Variants in SCAND3 observed in about 807,000 individuals in gnomAD.
SCAND3 encodes the protein SCAN domain-containing protein 3.
the SCAND3 span, chr6:28,586,775 T>A: frequency 6.9e-7 from 1 of 1,442,988 alleles, no homozygotes; most frequent in Non-Finnish European, 9.4e-7. The surrounding 1 kb of genome is among the most constrained non-coding windows in gnomAD (Gnocchi z 4.4). Context: ...GGCAAATGGG[T>A]GATTTTACTT....
the SCAND3 span, chr6:28,587,504 G>C: frequency 1.3e-4 from 20 of 152,236 alleles, no homozygotes; most frequent in African/African-American, 4.8e-4. Context: ...CACAGTGTGA[G>C]TAGTGCTGGA....
At chr6:28,572,519 C>T in the SCAND3 span, 6 of 1,613,598 alleles carry the variant, frequency 3.7e-6, no homozygotes, top group African/African-American at 2.7e-5. The surrounding 1 kb of genome is among the most constrained non-coding windows in gnomAD (Gnocchi z 4.1). Context: ...AAATAAGTTG[C>T]ATTCTTCCCT....
chr6:28,612,433 C>A, the SCAND3 span, among the ~76,000 whole-genome samples: 1 of 152,144 alleles, frequency 6.6e-6, no homozygotes, highest in Admixed American at 6.5e-5. Flanking sequence ...CACTAGCAAC[C>A]TCCTTAACAT....
the SCAND3 span, among the ~76,000 whole-genome samples, chr6:28,578,014 A>C: frequency 6.6e-6 from 1 of 152,134 alleles, no homozygotes; most frequent in African/African-American, 2.4e-5. Context: ...CTGGGTCTTA[A>C]TTTTGAGGGG....
At chr6:28,577,886 C>T in the SCAND3 span, among the ~76,000 whole-genome samples, 1 of 152,170 alleles carries the variant, frequency 6.6e-6, no homozygotes, top group Admixed American at 6.5e-5. Flanking sequence ...TCTGAGATGT[C>T]CATCCTACCT....
the SCAND3 span, among the ~76,000 whole-genome samples, chr6:28,578,962 A>T: frequency 6.6e-6 from 1 of 152,202 alleles, no homozygotes; most frequent in Non-Finnish European, 1.5e-5. Flanking sequence ...AGGCTACAGC[A>T]ATGGGACCCA....
chr6:28,604,325 AT>A, the SCAND3 span, among the ~76,000 whole-genome samples: 5 of 151,778 alleles, frequency 3.3e-5, no homozygotes, highest in Admixed American at 6.6e-5. Flanking sequence ...AAAATTAGGA[AT>A]TTTTTTTTGG....
the SCAND3 span, chr6:28,575,365 A>G: frequency 6.2e-7 from 1 of 1,614,074 alleles, no homozygotes; most frequent in Non-Finnish European, 8.5e-7. The surrounding 1 kb of genome is among the most constrained non-coding windows in gnomAD (Gnocchi z 4.2). Flanking sequence ...GAGTTCACTG[A>G]CAACCTGGCT....
chr6:28,610,189 A>AT, the SCAND3 span, among the ~76,000 whole-genome samples: 4 of 152,080 alleles, frequency 2.6e-5, no homozygotes, highest in African/African-American at 4.8e-5. Context: ...AATAACCTTA[A>AT]TTTTTTTAAA....
the SCAND3 span, chr6:28,575,948 T>A: frequency 6.2e-7 from 1 of 1,613,668 alleles, no homozygotes; most frequent in Admixed American, 1.7e-5. This position sits in a 1 kb window ranked among gnomAD's most constrained non-coding sequence, Gnocchi z 4.2. Flanking sequence ...ACTTCCTTTA[T>A]CAACTGACAG....
chr6:28,604,599 G>A, the SCAND3 span, among the ~76,000 whole-genome samples: 383 of 145,640 alleles, frequency 2.6e-3, no homozygotes, highest in African/African-American at 8.6e-3. Flanking sequence ...GTGGCTGACC[G>A]AGCGAGACTC....
the SCAND3 span, chr6:28,575,489 A>G: frequency 2.0e-5 from 32 of 1,614,030 alleles, no homozygotes; most frequent in African/African-American, 3.6e-4. The surrounding 1 kb of genome is among the most constrained non-coding windows in gnomAD (Gnocchi z 4.2). Flanking sequence ...AATGACCGCA[A>G]AAAAGTTAAC....
At chr6:28,612,452 A>C in the SCAND3 span, among the ~76,000 whole-genome samples, 4 of 152,180 alleles carry the variant, frequency 2.6e-5, no homozygotes, top group African/African-American at 9.7e-5. Flanking sequence ...ATCTGGAAAG[A>C]CTAGATGTTG....
At chr6:28,608,658 TTA>T in the SCAND3 span, among the ~76,000 whole-genome samples, 3 of 152,178 alleles carry the variant, frequency 2.0e-5, no homozygotes, top group Non-Finnish European at 4.4e-5. Flanking sequence ...TTTCTAGAAA[TTA>T]TGTTTTATTC....
chr6:28,605,261 C>T, the SCAND3 span, among the ~76,000 whole-genome samples: 2 of 152,144 alleles, frequency 1.3e-5, no homozygotes, highest in Non-Finnish European at 2.9e-5. Flanking sequence ...CCAGGTGTTT[C>T]TAAGTCACTT....
chr6:28,612,198 C>T, the SCAND3 span, among the ~76,000 whole-genome samples: 1 of 151,814 alleles, frequency 6.6e-6, no homozygotes. Flanking sequence ...ACCATGTGCC[C>T]GGCTAATTTT....
At chr6:28,575,770 T>C in the SCAND3 span, 4 of 1,614,156 alleles carry the variant, frequency 2.5e-6, no homozygotes, top group South Asian at 1.1e-5. This position sits in a 1 kb window ranked among gnomAD's most constrained non-coding sequence, Gnocchi z 4.2. Flanking sequence ...ATGTGTATTA[T>C]GCAGAATGTC....
At chr6:28,601,543 AGG>A in the SCAND3 span, among the ~76,000 whole-genome samples, 1 of 152,138 alleles carries the variant, frequency 6.6e-6, no homozygotes, top group African/African-American at 2.4e-5. Context: ...GAAGGGGGAC[AGG>A]GTCTTGCTCT....
At chr6:28,572,225 T>C in the SCAND3 span, 1 of 1,613,914 alleles carries the variant, frequency 6.2e-7, no homozygotes, top group South Asian at 1.1e-5. The surrounding 1 kb of genome is among the most constrained non-coding windows in gnomAD (Gnocchi z 4.1). Context: ...TCCTGTAGAG[T>C]TACAGTTAAA....
Sources: gnomAD v4.1 joint callset for allele counts (sites outside exome capture counted in the v4.1 genomes callset) on GRCh38, gnomAD v4.1.1 for gene constraint, Gnocchi (gnomAD v3.1) non-coding constraint, MANE v1.5 for transcripts, NCBI Gene and HGNC (gene_info 2026-07-23, HGNC 2026-07-21) for gene names.